Variants in NCR1 observed in about 807,000 individuals in gnomAD.
The protein encoded by NCR1 is NK cell-activating receptor.
A neutral mutation model predicts 32.5 loss-of-function variants in NCR1; 30 were observed. The ratio of observed to expected loss-of-function variants is 0.92; its 90% confidence interval spans 0.69 to 1.25. The LOEUF is 1.25. Among genes scored for constraint, NCR1 ranks in the 50% most tolerant of loss-of-function variants. The probability of loss-of-function intolerance (pLI) is 0.00; values close to 1 mark genes in which losing one functional copy is unlikely to be tolerated. For missense variants in NCR1, 369 were observed against 380.7 expected (o/e 0.97, Z 0.26); for synonymous variants, 169 against 143.4 (o/e 1.18, Z -1.28).
At chr19:54,931,452 G>GTCT in the NCR1 span, among the ~76,000 whole-genome samples, 8 of 152,108 alleles carry the variant, frequency 5.3e-5, no homozygotes, top group Non-Finnish European at 8.8e-5. Flanking sequence ...CACTTTGGGA[G>GTCT]GCTGAGGCAG....
rs1454658393 is a variant in NCR1, at chr19:54,907,509, GTTGT to G, written c.355+705_355+708del. Among the ~76,000 whole-genome samples, 5 of 145,058 alleles carry G rather than the reference GTTGT, an allele frequency of 3.4e-5. No individual in the cohort carries two copies. The Admixed American group carries it at 3.5e-4, about 10-fold the overall frequency. Reference sequence around the variant, plus strand: ...GCTTTTTTTTTTTTTTAACAATATGGTTGTTTATTATTATTATCAAGTATTATAC... The same window carrying G: ...GCTTTTTTTTTTTTTTAACAATATGGTTATTATTATTATCAAGTATTATAC... On this transcript the variant is annotated intron_variant, in intron 3 of 6. Transcript: ENST00000291890.
the NCR1 span, among the ~76,000 whole-genome samples, chr19:54,922,853 C>G: frequency 6.7e-6 from 1 of 149,352 alleles, no homozygotes; most frequent in African/African-American, 2.5e-5. Context: ...CGCCCAGCGA[C>G]AGAGACACAC....
chr19:54,930,474 A>C, the NCR1 span: 1 of 1,545,570 alleles, frequency 6.5e-7, no homozygotes, highest in Admixed American at 1.7e-5. Flanking sequence ...AAAAAGAAAG[A>C]AAGAAGAAAA....
chr19:54,914,112 C>G (rs2068082794), downstream of NCR1, among the ~76,000 whole-genome samples: 1 of 149,316 alleles, frequency 6.7e-6, no homozygotes, highest in Non-Finnish European at 1.5e-5. Context: ...CTGGCTGCAT[C>G]CCAACCATAC....
At chr19:54,923,917 A>C in the NCR1 span, 4 of 1,604,786 alleles carry the variant, frequency 2.5e-6, no homozygotes, top group East Asian at 2.2e-5. Flanking sequence ...ATTCATTCTC[A>C]ACTACCCAGG....
At chr19:54,933,514 T>C in the NCR1 span, 3 of 1,592,664 alleles carry the variant, frequency 1.9e-6, no homozygotes, top group South Asian at 1.1e-5. Flanking sequence ...AGTACTTTCA[T>C]GTCTCTCCTG....
At chr19:54,906,254 C>T (rs1211459311) in intron 1 of NCR1, 33 bp downstream of exon 1, 7 of 1,614,066 alleles carry the variant, frequency 4.3e-6, no homozygotes, top group African/African-American at 4.0e-5. Context: ...AATGGGATCA[C>T]GGTGTGCCTG....
the NCR1 span, among the ~76,000 whole-genome samples, chr19:54,899,634 G>A: frequency 2.6e-5 from 4 of 151,976 alleles, no homozygotes; most frequent in African/African-American, 9.7e-5. Context: ...GCCACTAAGG[G>A]TGAAGGAGAA....
the NCR1 span, among the ~76,000 whole-genome samples, chr19:54,926,008 A>G: frequency 6.6e-6 from 1 of 151,862 alleles, no homozygotes; most frequent in Non-Finnish European, 1.5e-5. Flanking sequence ...GTCTCAAAAA[A>G]AAGACAGATT....
At chr19:54,914,944 T>C (rs2068104324), downstream of NCR1, among the ~76,000 whole-genome samples, 1 of 152,084 alleles carries the variant, frequency 6.6e-6, no homozygotes, top group Admixed American at 6.6e-5. Context: ...GGTTTCATCA[T>C]GTTGCCCTGG....
At chr19:54,916,317 C>CTTTTTTTTT (rs71181711), downstream of NCR1, among the ~76,000 whole-genome samples, 47 of 87,098 alleles carry the variant, frequency 5.4e-4, 3 homozygotes, top group African/African-American at 8.5e-4. Context: ...GAATATTGTG[C>CTTTTTTTTT]TTTTTTTTTT....
upstream of NCR1, among the ~76,000 whole-genome samples, chr19:54,904,953 T>C (rs1246801155): frequency 6.6e-6 from 1 of 152,252 alleles, no homozygotes; most frequent in Non-Finnish European, 1.5e-5. Flanking sequence ...CTGTGGTGTA[T>C]ACATATCACA....
chr19:54,915,452 G>A (rs144235557), downstream of NCR1, among the ~76,000 whole-genome samples: 30 of 151,934 alleles, frequency 2.0e-4, no homozygotes, highest in African/African-American at 7.0e-4. Flanking sequence ...CCATTAAATA[G>A]CAGCCTGGCC....
chr19:54,900,358 GGTT>G, the NCR1 span, among the ~76,000 whole-genome samples: 5 of 152,312 alleles, frequency 3.3e-5, no homozygotes, highest in Admixed American at 2.6e-4. Context: ...GTCAAAAGGG[GGTT>G]GTTCTCTGGC....
At chr19:54,900,332 G>A in the NCR1 span, among the ~76,000 whole-genome samples, 2 of 152,148 alleles carry the variant, frequency 1.3e-5, no homozygotes, top group Admixed American at 6.5e-5. Context: ...ATTTGGGTAG[G>A]TAAAGGAAAA....
chr19:54,915,270 C>A (rs548517823), downstream of NCR1, among the ~76,000 whole-genome samples: 2 of 152,210 alleles, frequency 1.3e-5, no homozygotes, highest in Non-Finnish European at 2.9e-5. Context: ...CAGCCTGCAA[C>A]TTGAGACTTC....
the NCR1 span, among the ~76,000 whole-genome samples, chr19:54,925,385 G>A: frequency 4.3e-4 from 66 of 152,254 alleles, no homozygotes; most frequent in African/African-American, 1.3e-3. Context: ...AACTGCAGAC[G>A]TGTGAAAAAT....
chr19:54,934,374 G>C, the NCR1 span: 3 of 1,019,724 alleles, frequency 2.9e-6, no homozygotes, highest in Non-Finnish European at 4.7e-6. The surrounding 1 kb of genome is among the most constrained non-coding windows in gnomAD (Gnocchi z 6.7). Context: ...GCCTGAAGCA[G>C]GTGTTTATTT....
chr19:54,923,686 C>A, the NCR1 span: 1 of 1,605,364 alleles, frequency 6.2e-7, no homozygotes, highest in Non-Finnish European at 8.5e-7. Context: ...CATAAGACAT[C>A]TTAGAGACCC....
Sources: allele counts gnomAD v4.1 joint callset (sites outside exome capture counted in the v4.1 genomes callset), GRCh38; gene constraint gnomAD v4.1.1; non-coding constraint Gnocchi (gnomAD v3.1); transcripts MANE v1.5; gene names NCBI Gene and HGNC (gene_info 2026-07-23, HGNC 2026-07-21).